Variants in ACP3 observed in about 807,000 individuals in gnomAD.
ACP3 encodes acid phosphatase 3.
ACP3 carries 38 observed loss-of-function variants against 45.6 expected under a neutral mutation model. The observed-to-expected ratio is 0.83, with a 90% CI of 0.64 to 1.09. The LOEUF (loss-of-function observed/expected upper bound fraction) is 1.09, where lower values mean the gene tolerates loss of function less well. Ranked by LOEUF, ACP3 falls within the 50% of genes least tolerant of loss-of-function variation. ACP3 has a pLI of 0.00. For missense variants in ACP3, 466 were observed against 463.2 expected, an observed-to-expected ratio of 1.01 and a Z score of -0.05; for synonymous variants, 162 against 164.7, an observed-to-expected ratio of 0.98 and a Z score of 0.13.
intron 1 of ACP3, among the ~76,000 whole-genome samples, chr3:132,321,418 C>T (rs879921283): frequency 1.6e-4 from 24 of 152,154 alleles, no homozygotes; most frequent in Non-Finnish European, 2.8e-4. Context: ...CAATCTCTCT[C>T]CCTTGCTGTA....
chr3:132,348,751 A>G (rs1937649474), intron 7 of ACP3, among the ~76,000 whole-genome samples: 1 of 152,156 alleles, frequency 6.6e-6, no homozygotes, highest in Non-Finnish European at 1.5e-5. Context: ...ATTCATCCTC[A>G]AGGAATTTCC....
chr3:132,329,266 C>T (rs1937357328), intron 2 of ACP3, among the ~76,000 whole-genome samples: 1 of 152,092 alleles, frequency 6.6e-6, no homozygotes, highest in African/African-American at 2.4e-5. Context: ...GGTCTTAATC[C>T]TGCCAAAACA....
chr3:132,357,902 G>C lies in ACP3; in HGVS notation c.*1024G>C, dbSNP rs1126660. 0.15 allele frequency: 33,877 copies of C among 232,446 alleles called. 2,884 individuals carry two copies. The highest frequency in any genetic ancestry group is 0.18 in the Non-Finnish European group (26,004 of 141,624). The allele number at this position is 232,446 out of a possible 1,614,324, so 14.4% of individuals were successfully genotyped here. On this transcript the variant is annotated 3_prime_UTR_variant, in exon 10 of 10. Coordinates refer to ENST00000336375, the MANE Select transcript of ACP3 (RefSeq NM_001099.5). ...TACAAAAACTTAGATGGGCATGGTG[G>C]TGTGTGCCTATAGTCCCACTACTTG...
intron 4 of ACP3, chr3:132,332,644 C>A: frequency 1.0e-5 from 3 of 287,392 alleles, no homozygotes; most frequent in East Asian, 7.2e-5. Flanking sequence ...GGGAGATAGA[C>A]AAGTCCCCCA....
intron 4 of ACP3, among the ~76,000 whole-genome samples, chr3:132,335,528 C>T (rs6790208): frequency 0.016 from 2,436 of 152,244 alleles, 73 homozygotes; most frequent in African/African-American, 0.056. Context: ...AAAACAGACA[C>T]GATCCTGGCT....
chr3:132,348,717 A>G (rs1306742224), intron 7 of ACP3, among the ~76,000 whole-genome samples: 1 of 152,154 alleles, frequency 6.6e-6, no homozygotes, highest in Non-Finnish European at 1.5e-5. Flanking sequence ...TAGACCTGTT[A>G]GACATGTACA....
At chr3:132,341,945 A>G (rs1183069773) in intron 5 of ACP3, among the ~76,000 whole-genome samples, 1 of 152,246 alleles carries the variant, frequency 6.6e-6, no homozygotes, top group Non-Finnish European at 1.5e-5. Context: ...TTATTGCGAC[A>G]TTCCAAGAAA....
chr3:132,337,429 G>A (rs370029887), intron 4 of ACP3, 27 bp from the exon 5 acceptor site: 14 of 1,476,110 alleles, frequency 9.5e-6, no homozygotes, highest in Non-Finnish European at 1.3e-5. Flanking sequence ...ACTCATAACA[G>A]TTTTATGATT....
chr3:132,357,762 G>T lies in ACP3; in HGVS notation c.*884G>T, dbSNP rs1937941993. The T allele has an allele frequency of 1.0e-6, 1 of 985,022 alleles. No individual in the cohort carries two copies. Among genetic ancestry groups the T allele is most frequent in the Non-Finnish European group, 1.2e-6 (1 of 829,628 alleles). 61.0% of individuals were successfully genotyped at this position (985,022 alleles called of 1,614,324 possible). On this transcript the variant is annotated 3_prime_UTR_variant, in exon 10 of 10. Transcript: ENST00000336375. ...CTAAAGTTGATTTAAGGCCAGGCATGGTGGTTTACGCCTATAATCCCAGCA... is the reference window on the plus strand; with the variant it reads ...CTAAAGTTGATTTAAGGCCAGGCATTGTGGTTTACGCCTATAATCCCAGCA...
downstream of ACP3, among the ~76,000 whole-genome samples, chr3:132,362,768 G>T (rs1204625654): frequency 1.3e-5 from 2 of 152,186 alleles, no homozygotes; most frequent in Non-Finnish European, 2.9e-5. Context: ...ATGCATAAAG[G>T]CCAAGAGGCC....
intron 6 of ACP3, among the ~76,000 whole-genome samples, chr3:132,343,479 TA>T (rs1347316872): frequency 6.6e-6 from 1 of 152,210 alleles, no homozygotes; most frequent in Non-Finnish European, 1.5e-5. Context: ...ATTAGCATTG[TA>T]AAAGACTCTT....
rs530668119 is a variant in ACP3 at position 132,354,531 on chromosome 3, G to A, written c.968+1708G>A. On this transcript the variant is annotated intron_variant, in intron 9 of 9. Transcript: ENST00000336375. Reference sequence around the variant, plus strand: ...TCCAGGGAAATATCAAAGGTGAAACGTGATTGCTTTTAAATTAGGATCAAG... The same window carrying A: ...TCCAGGGAAATATCAAAGGTGAAACATGATTGCTTTTAAATTAGGATCAAG... 4.5e-4 allele frequency among the ~76,000 whole-genome samples: 68 copies of A among 152,290 alleles called. No homozygotes were observed. In the Middle Eastern group the frequency reaches 0.01, roughly 23 times the overall value.
chr3:132,358,894 A>G, downstream of ACP3: 1 of 978,894 alleles, frequency 1.0e-6, no homozygotes, highest in Non-Finnish European at 1.2e-6. Context: ...GGAAAATATT[A>G]ATATAAAGTA....
intron 7 of ACP3, among the ~76,000 whole-genome samples, chr3:132,347,873 C>CCA (rs1559839219): frequency 4.3e-5 from 3 of 69,900 alleles, no homozygotes; most frequent in Non-Finnish European, 1.1e-4. Context: ...ACACACACAC[C>CCA]AAAAAAATCC....
chr3:132,357,246 A>C lies in ACP3; in HGVS notation c.*368A>C, dbSNP rs1376141923. 1 of 993,658 alleles carries C rather than the reference A, an allele frequency of 1.0e-6. No homozygotes were observed. The highest frequency in any genetic ancestry group is 6.0e-5 in the Admixed American group (1 of 16,618). 61.6% of individuals were successfully genotyped at this position (993,658 alleles called of 1,614,324 possible). A position where few individuals can be genotyped will look rare whatever the true frequency, so the allele number is the denominator to read the frequency against. On this transcript the variant is annotated 3_prime_UTR_variant, in exon 10 of 10. Coordinates refer to ENST00000336375, the MANE Select transcript of ACP3 (RefSeq NM_001099.5). ...GATTTTGCTTGAGCAGGATTAGATA[A>C]GGCTGTTCTTTAAATGTCTGAAATG... is the stretch of plus-strand genomic sequence containing the variant.
At chr3:132,346,565 T>C (rs1937610866) in intron 7 of ACP3, among the ~76,000 whole-genome samples, 2 of 152,100 alleles carry the variant, frequency 1.3e-5, no homozygotes, top group Admixed American at 1.3e-4. Flanking sequence ...TTGGAAAAAA[T>C]TACCAGGCGG....
chr3:132,327,480 C>T (rs1313779519), intron 1 of ACP3, among the ~76,000 whole-genome samples: 1 of 150,174 alleles, frequency 6.7e-6, no homozygotes, highest in African/African-American at 2.5e-5. Context: ...TGCCATTGCA[C>T]TCCAGCCTAG....
chr3:132,345,559 A>T (rs949551968), intron 7 of ACP3, among the ~76,000 whole-genome samples: 9 of 152,124 alleles, frequency 5.9e-5, no homozygotes, highest in Non-Finnish European at 1.0e-4. Context: ...GATAAAATAT[A>T]TTTTTCAGGC....
At chr3:132,327,766 C>G (rs1431354204) in intron 1 of ACP3, among the ~76,000 whole-genome samples, 2 of 149,600 alleles carry the variant, frequency 1.3e-5, no homozygotes, top group Non-Finnish European at 3.0e-5. Context: ...TGCACTCCAG[C>G]CTGGGCAACA....
Sources: gnomAD v4.1 joint callset for allele counts (sites outside exome capture counted in the v4.1 genomes callset) on GRCh38, gnomAD v4.1.1 for gene constraint, MANE v1.5 for transcripts, NCBI Gene and HGNC (gene_info 2026-07-23, HGNC 2026-07-21) for gene names.